Variants in BLTP1 observed in about 807,000 individuals in gnomAD.
The protein encoded by BLTP1 is fragile site-associated protein.
chr4:122,345,274 T>C, the BLTP1 span, among the ~76,000 whole-genome samples: 3 of 152,110 alleles, frequency 2.0e-5, no homozygotes, highest in Admixed American at 2.0e-4. Flanking sequence ...ATAATGGAGC[T>C]TTCTACAAAG....
At chr4:122,266,358 TATA>T in the BLTP1 span, among the ~76,000 whole-genome samples, 2 of 152,210 alleles carry the variant, frequency 1.3e-5, no homozygotes, top group Non-Finnish European at 2.9e-5. Flanking sequence ...TCATAACATT[TATA>T]ATGTTTTTAT....
chr4:122,200,670 A>G, the BLTP1 span: 2 of 984,668 alleles, frequency 2.0e-6, no homozygotes, highest in African/African-American at 3.5e-5. Context: ...CTTCCTTCAC[A>G]CTGAGCCTGT....
At chr4:122,205,317 C>A in the BLTP1 span, among the ~76,000 whole-genome samples, 3 of 151,800 alleles carry the variant, frequency 2.0e-5, no homozygotes, top group African/African-American at 7.2e-5. Context: ...TCAAACTTTA[C>A]ATAAATCGTC....
At chr4:122,309,071 G>A in the BLTP1 span, 1 of 283,038 alleles carries the variant, frequency 3.5e-6, no homozygotes, top group Non-Finnish European at 5.3e-6. Flanking sequence ...TGTTAAGTAA[G>A]AAAAAAAATG....
At chr4:122,163,699 A>G in the BLTP1 span, among the ~76,000 whole-genome samples, 1,598 of 152,328 alleles carry the variant, frequency 0.01, 76 homozygotes, top group Admixed American at 0.079. Context: ...CACTTTACAC[A>G]TGAGGAAACA....
the BLTP1 span, among the ~76,000 whole-genome samples, chr4:122,166,809 C>T: frequency 6.6e-6 from 1 of 152,110 alleles, no homozygotes; most frequent in Non-Finnish European, 1.5e-5. Flanking sequence ...AAGTTGGATT[C>T]CTAAGTATTT....
At chr4:122,223,595 G>A in the BLTP1 span, among the ~76,000 whole-genome samples, 1 of 152,182 alleles carries the variant, frequency 6.6e-6, no homozygotes, top group African/African-American at 2.4e-5. Context: ...ACAAGGTGAG[G>A]TAGGCAGTGC....
the BLTP1 span, chr4:122,316,920 G>A: frequency 8.3e-7 from 1 of 1,202,646 alleles, no homozygotes; most frequent in Non-Finnish European, 1.2e-6. Context: ...ATCATAAGAT[G>A]TTAAAAGTGG....
chr4:122,167,582 A>T, the BLTP1 span: 1 of 818,790 alleles, frequency 1.2e-6, no homozygotes, highest in Non-Finnish European at 1.5e-6. Flanking sequence ...CTGGCCATGG[A>T]TGTTCTTCTC....
the BLTP1 span, among the ~76,000 whole-genome samples, chr4:122,278,483 G>A: frequency 1.3e-5 from 2 of 152,324 alleles, no homozygotes; most frequent in East Asian, 1.9e-4. Context: ...TTGTTGTGGT[G>A]GAGGACTGGT....
the BLTP1 span, among the ~76,000 whole-genome samples, chr4:122,285,733 A>G: frequency 2.6e-5 from 4 of 152,174 alleles, no homozygotes; most frequent in African/African-American, 7.2e-5. Flanking sequence ...AGTGGAGAGA[A>G]TTGGTAATGT....
At chr4:122,269,186 A>T in the BLTP1 span, 4 of 472,646 alleles carry the variant, frequency 8.5e-6, no homozygotes, top group Non-Finnish European at 1.1e-5. Context: ...GTTTATATGT[A>T]TACATACAGT....
the BLTP1 span, among the ~76,000 whole-genome samples, chr4:122,350,926 T>C: frequency 6.6e-6 from 1 of 152,200 alleles, no homozygotes; most frequent in Non-Finnish European, 1.5e-5. Flanking sequence ...TTTAATATGA[T>C]GGTTAGCTAT....
the BLTP1 span, chr4:122,230,329 A>G: frequency 6.1e-6 from 5 of 819,242 alleles, no homozygotes; most frequent in South Asian, 8.7e-5. Context: ...AAGACCTAAC[A>G]TGATTGTGCT....
chr4:122,356,975 C>G, the BLTP1 span: 36 of 982,390 alleles, frequency 3.7e-5, no homozygotes, highest in Middle Eastern at 5.2e-4. Context: ...TTTCTGTATA[C>G]ATTATCTTAT....
At chr4:122,313,462 T>C in the BLTP1 span, 1 of 155,662 alleles carries the variant, frequency 6.4e-6, no homozygotes, top group Non-Finnish European at 1.4e-5. Context: ...ATCTTATGAG[T>C]CATTAAGATA....
chr4:122,156,143 C>A, the BLTP1 span: 1 of 172,636 alleles, frequency 5.8e-6, no homozygotes, highest in Non-Finnish European at 1.2e-5. Context: ...TCCATTAAAT[C>A]TGAGGCATCC....
chr4:122,239,449 A>G, the BLTP1 span: 17 of 1,246,840 alleles, frequency 1.4e-5, no homozygotes, highest in African/African-American at 2.4e-4. Context: ...ATTTTTATTG[A>G]TATTTGTTTT....
chr4:122,282,717 C>T, the BLTP1 span, among the ~76,000 whole-genome samples: 1 of 152,018 alleles, frequency 6.6e-6, no homozygotes, highest in Non-Finnish European at 1.5e-5. Context: ...TTTTGCTTTC[C>T]CATATAGTTT....
Sources: gnomAD v4.1 joint callset for allele counts (sites outside exome capture counted in the v4.1 genomes callset) on GRCh38, gnomAD v4.1.1 for gene constraint, MANE v1.5 for transcripts, NCBI Gene and HGNC (gene_info 2026-07-23, HGNC 2026-07-21) for gene names.